Variants in DPH6 observed in about 807,000 individuals in gnomAD.
DPH6 encodes diphthamine biosynthesis 6, also known as diphthine--ammonia ligase.
Under a neutral mutation model 38.2 loss-of-function variants are expected in DPH6, and 33 were observed. The observed-to-expected ratio is 0.86, with a 90% CI of 0.65 to 1.15. The LOEUF (loss-of-function observed/expected upper bound fraction) is 1.15. Ranked by LOEUF, DPH6 falls within the 50% of genes most tolerant of loss-of-function variation. The pLI is 0.00. For missense variants in DPH6, 325 were observed against 320.0 expected (o/e 1.02, Z -0.12); for synonymous variants, 108 against 103.0 (o/e 1.05, Z -0.30).
intron 3 of DPH6, among the ~76,000 whole-genome samples, chr15:35,239,983 C>A (rs1439947244): frequency 7.0e-6 from 1 of 142,170 alleles, no homozygotes; most frequent in Non-Finnish European, 1.5e-5. Context: ...AGGGCAAGAA[C>A]CCCCCACCCC....
chr15:35,259,367 G>C (rs1458460491), intron 3 of DPH6, among the ~76,000 whole-genome samples: 1 of 152,124 alleles, frequency 6.6e-6, no homozygotes, highest in African/African-American at 2.4e-5. Flanking sequence ...GTATGACTAT[G>C]CATGTACACT....
At chr15:35,262,411 T>TA (rs1045777169) in intron 3 of DPH6, among the ~76,000 whole-genome samples, 16 of 152,100 alleles carry the variant, frequency 1.1e-4, no homozygotes, top group South Asian at 6.2e-4. Context: ...TGATTTTTTT[T>TA]AAAAAGATAC....
chr15:35,297,051 C>A (rs1469294694), intron 3 of DPH6, among the ~76,000 whole-genome samples: 1 of 152,146 alleles, frequency 6.6e-6, no homozygotes, highest in Admixed American at 6.5e-5. Flanking sequence ...TATCCCTGCT[C>A]CTATCTAAGA....
At chr15:35,255,564 G>T (rs2051702360) in intron 3 of DPH6, among the ~76,000 whole-genome samples, 1 of 152,060 alleles carries the variant, frequency 6.6e-6, no homozygotes, top group Admixed American at 6.6e-5. Context: ...TTTAGTTTCA[G>T]ATGTTTTTCT....
intron 3 of DPH6, among the ~76,000 whole-genome samples, chr15:35,282,268 C>T (rs140187466): frequency 1.3e-5 from 2 of 152,182 alleles, no homozygotes; most frequent in East Asian, 3.9e-4. Context: ...AACTCCTGGG[C>T]CCAAGCAATC....
intron 3 of DPH6, among the ~76,000 whole-genome samples, chr15:35,346,934 G>C (rs1043126616): frequency 6.6e-6 from 1 of 151,018 alleles, no homozygotes; most frequent in African/African-American, 2.4e-5. Flanking sequence ...TTTTTATTGT[G>C]GTAAAAAATG....
At chr15:35,178,798 T>C in the DPH6 span, among the ~76,000 whole-genome samples, 1 of 152,152 alleles carries the variant, frequency 6.6e-6, no homozygotes, top group African/African-American at 2.4e-5. Context: ...GGGCCTACCA[T>C]TTAATTAGAG....
In DPH6 at chr15:35,362,184, G is replaced by A. The variant is rs974221476; in HGVS notation, n.207+11337C>T. Among the ~76,000 whole-genome samples the A allele has an allele frequency of 2.6e-5, 4 of 152,178 alleles. No homozygotes were observed. In the South Asian group the frequency reaches 8.3e-4, roughly 31 times the overall value. On this transcript the variant is annotated intron_variant and non_coding_transcript_variant, in intron 3 of 3. Coordinates refer to the DPH6 transcript ENST00000558973. The stretch of plus-strand genomic sequence containing the variant: ...GGGTTTGTGCATGTAATTTCACAAG[G>A]AGAGAAGTTTTCCAGTTTCCTTTTC...
the DPH6 span, among the ~76,000 whole-genome samples, chr15:35,182,220 A>ATTT: frequency 1.2e-3 from 104 of 85,996 alleles, 3 homozygotes; most frequent in African/African-American, 3.3e-3. Context: ...AACTCTAAGA[A>ATTT]TTTTTTTTTT....
intron 1 of DPH6, among the ~76,000 whole-genome samples, chr15:35,545,067 A>C (rs1464642224): frequency 2.6e-5 from 4 of 152,210 alleles, no homozygotes; most frequent in Non-Finnish European, 5.9e-5. Context: ...GTAGGTCTGA[A>C]ATCTCATATC....
chr15:35,498,351 T>C (rs540399795), intron 3 of DPH6, among the ~76,000 whole-genome samples: 1 of 152,284 alleles, frequency 6.6e-6, no homozygotes, highest in South Asian at 2.1e-4. Context: ...CTATCTCTCC[T>C]TCACTGTTTC....
intron 3 of DPH6, among the ~76,000 whole-genome samples, chr15:35,507,401 G>T (rs1452144499): frequency 6.6e-6 from 1 of 151,960 alleles, no homozygotes; most frequent in Non-Finnish European, 1.5e-5. Context: ...ATGAAAATTT[G>T]AATGAGCATA....
chr15:35,479,330 A>T (rs2054299853), intron 3 of DPH6, among the ~76,000 whole-genome samples: 2 of 152,110 alleles, frequency 1.3e-5, no homozygotes, highest in African/African-American at 4.8e-5. Context: ...ATCCCACTGA[A>T]TCTTAAAGTT....
intron 3 of DPH6, among the ~76,000 whole-genome samples, chr15:35,491,366 A>C (rs2054475045): frequency 6.6e-6 from 1 of 152,100 alleles, no homozygotes; most frequent in African/African-American, 2.4e-5. Context: ...ATTTGTATAT[A>C]AGGAAAAATT....
chr15:35,432,505 G>T (rs1337697537), intron 5 of DPH6, among the ~76,000 whole-genome samples: 1 of 152,122 alleles, frequency 6.6e-6, no homozygotes, highest in Non-Finnish European at 1.5e-5. Context: ...ATATCAAACT[G>T]AAAGCATTTC....
At chr15:35,522,073 G>A in intron 3 of DPH6, 1 of 1,609,488 alleles carries the variant, frequency 6.2e-7, no homozygotes, top group South Asian at 1.1e-5. Flanking sequence ...GGGTTGAGGG[G>A]AATCAGTAAA....
At chr15:35,542,383 G>T in intron 2 of DPH6, 30 bp downstream of exon 2, 2 of 1,509,038 alleles carry the variant, frequency 1.3e-6, no homozygotes, top group South Asian at 2.5e-5. Flanking sequence ...CATTCATTTA[G>T]GCAACTTCCC....
At chr15:35,231,770 C>T (rs2051519663) in intron 3 of DPH6, among the ~76,000 whole-genome samples, 2 of 152,138 alleles carry the variant, frequency 1.3e-5, no homozygotes, top group South Asian at 2.1e-4. Context: ...GAAGTTTTTA[C>T]TTATGGTGGC....
chr15:35,452,053 G>A (rs1347365155), intron 4 of DPH6, among the ~76,000 whole-genome samples: 1 of 151,880 alleles, frequency 6.6e-6, no homozygotes, highest in East Asian at 1.9e-4. Context: ...ATAGATCATA[G>A]GATTCCTCTG....
Sources: allele counts gnomAD v4.1 joint callset (sites outside exome capture counted in the v4.1 genomes callset), GRCh38; gene constraint gnomAD v4.1.1; transcripts MANE v1.5; gene names NCBI Gene and HGNC (gene_info 2026-07-23, HGNC 2026-07-21).